Variants in BIN3 observed in about 807,000 individuals in gnomAD.
BIN3 encodes the protein bridging integrator 3.
A neutral mutation model predicts 38.2 loss-of-function variants in BIN3; 41 were observed. That is an observed-to-expected ratio of 1.07 (90% CI 0.84 to 1.39). The LOEUF (loss-of-function observed/expected upper bound fraction) is 1.39. Among genes scored for constraint, BIN3 ranks in the 40% most tolerant of loss-of-function variants. The pLI is 0.00. For synonymous variants in BIN3, 145 were observed against 122.6 expected, an observed-to-expected ratio of 1.18 and a Z score of -1.21; for missense variants, 361 against 324.3, an observed-to-expected ratio of 1.11 and a Z score of -0.87.
chr8:22,645,983 C>A (rs1350041310), intron 1 of BIN3, among the ~76,000 whole-genome samples: 5 of 152,220 alleles, frequency 3.3e-5, no homozygotes, highest in African/African-American at 1.2e-4. Flanking sequence ...CAGCATGGCA[C>A]AGCGGAAGGA....
intron 1 of BIN3, among the ~76,000 whole-genome samples, chr8:22,662,023 G>A (rs1803251738): frequency 6.6e-6 from 1 of 152,198 alleles, no homozygotes; most frequent in South Asian, 2.1e-4. Context: ...TTGAACTCCT[G>A]ACCTCAACTG....
chr8:22,645,005 A>G (rs1029748078), intron 1 of BIN3: 26 of 525,154 alleles, frequency 5.0e-5, no homozygotes, highest in Admixed American at 9.3e-5. Context: ...CCTCCCACCT[A>G]CAGTGTCAGA....
At chr8:22,621,618 G>A (rs1213279923) in intron 8 of BIN3, 50 bp from the exon 9 acceptor site, 7 of 1,571,204 alleles carry the variant, frequency 4.5e-6, no homozygotes, top group Admixed American at 1.7e-5. Context: ...GGAACCGTGT[G>A]CTTCAGGGGG....
intron 2 of BIN3, among the ~76,000 whole-genome samples, chr8:22,643,214 C>T (rs1802616830): frequency 6.6e-6 from 1 of 152,206 alleles, no homozygotes; most frequent in African/African-American, 2.4e-5. Context: ...AACATATGCA[C>T]ACCCAGATTC....
At chr8:22,654,963 A>G (rs1207824095) in intron 1 of BIN3, among the ~76,000 whole-genome samples, 1 of 152,154 alleles carries the variant, frequency 6.6e-6, no homozygotes, top group Non-Finnish European at 1.5e-5. Context: ...AAGGGTTCCA[A>G]TTTCTCCACA....
intron 1 of BIN3, among the ~76,000 whole-genome samples, chr8:22,668,735 T>A (rs1014031194): frequency 2.0e-5 from 3 of 152,186 alleles, no homozygotes; most frequent in Admixed American, 2.0e-4. Context: ...TCAATGGGTG[T>A]TTAAAAAAGG....
intron 2 of BIN3, among the ~76,000 whole-genome samples, chr8:22,640,386 ACCATG>A (rs1323899467): frequency 6.9e-6 from 1 of 145,550 alleles, no homozygotes; most frequent in Non-Finnish European, 1.5e-5. Flanking sequence ...AGATGGGGTC[ACCATG>A]TTGCCTGGGC....
chr8:22,649,063 G>A (rs1171272410), intron 1 of BIN3, among the ~76,000 whole-genome samples: 1 of 152,150 alleles, frequency 6.6e-6, no homozygotes, highest in Non-Finnish European at 1.5e-5. Context: ...ATGTGCTTCT[G>A]TAATATGTTC....
intron 1 of BIN3, among the ~76,000 whole-genome samples, chr8:22,668,768 T>G (rs1481928829): frequency 6.6e-6 from 1 of 152,188 alleles, no homozygotes; most frequent in Admixed American, 6.5e-5. Context: ...AGTCCCTCAC[T>G]TCAAGGAGCT....
Position 22,630,598 on chromosome 8 carries a change from G to C in BIN3, c.161-20C>G, listed in dbSNP as rs187399704. 2.0e-5 allele frequency: 32 copies of C among 1,613,206 alleles called. No individual in the cohort carries two copies. The highest frequency in any genetic ancestry group is 1.3e-4 in the South Asian group (12 of 90,994). ...ACATGGCTGTGGGAAGCCAAAGCTC[G>C]GTGAACCTTCTATGAAGGGGCAGGT... On this transcript the variant is annotated intron_variant, in intron 4 of 8. Transcript: ENST00000276416.
intron 6 of BIN3, among the ~76,000 whole-genome samples, chr8:22,626,738 C>A (rs774181200): frequency 6.6e-6 from 1 of 152,292 alleles, no homozygotes; most frequent in Admixed American, 6.5e-5. Context: ...AGCGTGAAGC[C>A]GTGTGTGCGC....
intron 5 of BIN3, 139 bp from the exon 6 acceptor site, chr8:22,630,143 C>T: frequency 9.3e-7 from 1 of 1,071,920 alleles, no homozygotes; most frequent in Non-Finnish European, 1.4e-6. Context: ...TGGCTTTGCT[C>T]AGGGTGGAGG....
At chr8:22,625,261 C>T (rs1447957387) in intron 6 of BIN3, 1 of 699,764 alleles carries the variant, frequency 1.4e-6, no homozygotes, top group East Asian at 2.7e-5. Context: ...CTCGCTGCTG[C>T]TGCTGGAGGG....
intron 1 of BIN3, among the ~76,000 whole-genome samples, chr8:22,658,732 C>T (rs1287836303): frequency 6.6e-6 from 1 of 152,206 alleles, no homozygotes; most frequent in Non-Finnish European, 1.5e-5. Context: ...CAGTCTGCCC[C>T]ACCCCTTATC....
intron 1 of BIN3, among the ~76,000 whole-genome samples, chr8:22,660,639 T>C (rs1803203844): frequency 6.6e-6 from 1 of 152,082 alleles, no homozygotes; most frequent in African/African-American, 2.4e-5. Flanking sequence ...GGGCAAACGT[T>C]CTCTTGCTAT....
At chr8:22,639,809 A>G (rs1253092519) in intron 2 of BIN3, among the ~76,000 whole-genome samples, 2 of 152,054 alleles carry the variant, frequency 1.3e-5, no homozygotes, top group Admixed American at 1.3e-4. Context: ...TTAAGGGTGG[A>G]GTCCCATGCT....
intron 6 of BIN3, 82 bp downstream of exon 6, chr8:22,629,882 A>C: frequency 3.7e-6 from 5 of 1,342,218 alleles, no homozygotes; most frequent in Non-Finnish European, 4.2e-6. Flanking sequence ...ACACGCAGCT[A>C]GAAATCCTCT....
intron 4 of BIN3, among the ~76,000 whole-genome samples, chr8:22,632,474 G>A (rs1802234578): frequency 6.6e-6 from 1 of 152,146 alleles, no homozygotes; most frequent in Admixed American, 6.5e-5. Context: ...AGCAACGGAG[G>A]GAAAAACACC....
chr8:22,644,587 C>A (rs575099054), intron 2 of BIN3, 168 bp downstream of exon 2: 15 of 632,992 alleles, frequency 2.4e-5, no homozygotes, highest in South Asian at 2.3e-4. Flanking sequence ...GGACAGGAGG[C>A]CCCTCTAAGC....
Sources: gnomAD v4.1 joint callset for allele counts (sites outside exome capture counted in the v4.1 genomes callset) on GRCh38, gnomAD v4.1.1 for gene constraint, MANE v1.5 for transcripts, NCBI Gene and HGNC (gene_info 2026-07-23, HGNC 2026-07-21) for gene names.